S100A13: variants seen among roughly 807,000 people sequenced by gnomAD.
S100A13 encodes S100 calcium binding protein A13.
A neutral mutation model predicts 8.2 loss-of-function variants in S100A13; 6 were observed. That is an observed-to-expected ratio of 0.73 (90% CI 0.40 to 1.44). The LOEUF is 1.44. S100A13 is among the 40% of genes most tolerant of loss of function. S100A13 has a pLI of 0.02. For synonymous variants in S100A13, 39 were observed against 45.9 expected (o/e 0.85, Z 0.61); for missense variants, 114 against 113.6 (o/e 1.00, Z -0.02).
chr1:153,630,581 G>A (rs148757452), upstream of S100A13: 466 of 1,614,244 alleles, frequency 2.9e-4, 2 homozygotes, highest in African/African-American at 4.2e-3. Context: ...ACGCCCACTC[G>A]GGCAAAGAGG....
At chr1:153,631,525 T>C (rs748792797), upstream of S100A13, 26 of 1,613,608 alleles carry the variant, frequency 1.6e-5, no homozygotes, top group Middle Eastern at 1.6e-4. Context: ...AAAGAGCTTA[T>C]GCTGTAGGCA....
upstream of S100A13, chr1:153,634,207 C>T (rs1668212213): frequency 6.5e-6 from 1 of 152,748 alleles, no homozygotes; most frequent in South Asian, 2.1e-4. Context: ...CGCATACTAC[C>T]GCTTACGCAT....
chr1:153,625,347 G>A (rs1200057353), intron 2 of S100A13, among the ~76,000 whole-genome samples: 1 of 152,212 alleles, frequency 6.6e-6, no homozygotes, highest in Non-Finnish European at 1.5e-5. Context: ...CGTGCCTGTG[G>A]ATTTTCAGAA....
At position 153,626,493 on chromosome 1, in the gene S100A13, T is replaced by C. The variant is rs372709618; in HGVS notation, c.-21A>G. 1.3e-4 allele frequency: 215 copies of C among 1,613,154 alleles called. No individual in the cohort carries two copies. The highest frequency in any genetic ancestry group is 1.7e-4 in the Non-Finnish European group (202 of 1,179,324). On this transcript the variant is annotated 5_prime_UTR_variant, in exon 2 of 3. Transcript: ENST00000476133. ...GCCATTAGGACCCTGAGGCCAAAGCTGATGTCCTCAAGGGGCTAGCTGACC... is the reference window on the plus strand; with the variant it reads ...GCCATTAGGACCCTGAGGCCAAAGCCGATGTCCTCAAGGGGCTAGCTGACC...
upstream of S100A13, chr1:153,627,933 G>T (rs1047977631): frequency 2.0e-5 from 24 of 1,194,840 alleles, no homozygotes; most frequent in Non-Finnish European, 2.7e-5. Flanking sequence ...ATCCCTCAGA[G>T]AACCCCAGGC....
In S100A13 at chr1:153,626,355, C is replaced by T; in HGVS notation, c.118G>A (p.Glu40Lys). The T allele has an allele frequency of 6.2e-7, 1 of 1,614,198 alleles. No homozygotes were observed. Among genetic ancestry groups the T allele is most frequent in the Non-Finnish European group, 8.5e-7 (1 of 1,180,030 alleles). The change falls in exon 2 of 3, where the codon GAG becomes AAG. Residue 40 changes from glutamate (E) to lysine (K), a missense_variant. By Grantham distance (56) the Glu-to-Lys change is moderately conservative (BLOSUM62 1). Coordinates refer to ENST00000476133, the MANE Select transcript of S100A13 (RefSeq NM_001024211.2). Reference protein sequence around the residue: ...KDSLSVNEFKELVTQQLPHLL... With the variant: ...KDSLSVNEFKKLVTQQLPHLL... ...TGGGGCAACTGCTGGGTAACCAGCTCTTTGAACTCGTTGACGCTGAGGCTA... is the reference window on the plus strand; with the variant it reads ...TGGGGCAACTGCTGGGTAACCAGCTTTTTGAACTCGTTGACGCTGAGGCTA...
At chr1:153,622,580 G>A (rs9728400) in intron 2 of S100A13, among the ~76,000 whole-genome samples, 16,759 of 152,278 alleles carry the variant, frequency 0.11, 1,631 homozygotes, top group African/African-American at 0.27. Context: ...GGGAGGCCAG[G>A]GCAGGAGGAT....
At chr1:153,623,155 AG>A (rs534520011) in intron 2 of S100A13, among the ~76,000 whole-genome samples, 31 of 152,070 alleles carry the variant, frequency 2.0e-4, no homozygotes, top group African/African-American at 7.0e-4. Flanking sequence ...GGAAAATTTG[AG>A]GACACAAGAA....
At chr1:153,630,551 G>C (rs1362392736), upstream of S100A13, 7 of 1,614,140 alleles carry the variant, frequency 4.3e-6, no homozygotes, top group Admixed American at 1.7e-5. Flanking sequence ...CGGCGATGGA[G>C]ACCCTCATCA....
upstream of S100A13, chr1:153,631,527 C>T (rs774931227): frequency 8.7e-6 from 14 of 1,613,594 alleles, no homozygotes; most frequent in African/African-American, 2.7e-5. Flanking sequence ...AGAGCTTATG[C>T]TGTAGGCAAC....
intron 2 of S100A13, among the ~76,000 whole-genome samples, chr1:153,624,308 T>C (rs1194571820): frequency 6.6e-6 from 1 of 151,996 alleles, no homozygotes; most frequent in Non-Finnish European, 1.5e-5. Context: ...AGATGTTGGA[T>C]GAATTGTCTG....
At chr1:153,626,905 T>C (rs1275511968) in intron 1 of S100A13, 1 of 158,188 alleles carries the variant, frequency 6.3e-6, no homozygotes, top group Non-Finnish European at 1.4e-5. Context: ...GGCCCCTCTG[T>C]GGCGTGTCTG....
intron 2 of S100A13, among the ~76,000 whole-genome samples, chr1:153,624,826 G>C (rs192380688): frequency 6.6e-6 from 1 of 152,142 alleles, no homozygotes; most frequent in Non-Finnish European, 1.5e-5. Flanking sequence ...TGTAATTCCA[G>C]CACTTTGAGA....
At chr1:153,625,068 C>G (rs2101590834) in intron 2 of S100A13, among the ~76,000 whole-genome samples, 1 of 152,068 alleles carries the variant, frequency 6.6e-6, no homozygotes, top group South Asian at 2.1e-4. Flanking sequence ...GAGTGAGACT[C>G]TGTCACAAAA....
chr1:153,630,412 A>C, upstream of S100A13: 2 of 1,431,168 alleles, frequency 1.4e-6, no homozygotes, highest in Non-Finnish European at 1.9e-6. Context: ...CAGCTATTTG[A>C]GCTGTCAGCC....
chr1:153,628,550 G>A, upstream of S100A13: 1 of 1,546,864 alleles, frequency 6.5e-7, no homozygotes, highest in Non-Finnish European at 8.7e-7. Flanking sequence ...TCAGGGAGAG[G>A]GGTCTTCAGA....
chr1:153,624,800 C>G (rs538246818), intron 2 of S100A13, among the ~76,000 whole-genome samples: 1 of 152,060 alleles, frequency 6.6e-6, no homozygotes, highest in Non-Finnish European at 1.5e-5. Flanking sequence ...TTAGGCCAGG[C>G]GCGGTGGCTC....
At chr1:153,620,258 G>C (rs1021485028) in intron 2 of S100A13, among the ~76,000 whole-genome samples, 2 of 152,000 alleles carry the variant, frequency 1.3e-5, no homozygotes, top group Non-Finnish European at 2.9e-5. Context: ...TTGCACTCCA[G>C]TCTGGGCTAC....
intron 2 of S100A13, among the ~76,000 whole-genome samples, chr1:153,623,353 T>G (rs564028792): frequency 2.0e-5 from 3 of 151,530 alleles, no homozygotes; most frequent in African/African-American, 4.8e-5. Flanking sequence ...AGGGAGCACA[T>G]ACAAGTTTCC....
Sources: allele counts gnomAD v4.1 joint callset (sites outside exome capture counted in the v4.1 genomes callset), GRCh38; gene constraint gnomAD v4.1.1; transcripts MANE v1.5; gene names NCBI Gene and HGNC (gene_info 2026-07-23, HGNC 2026-07-21).